SH2B1: variants seen among roughly 807,000 people sequenced by gnomAD.
SH2B1 encodes the protein SH2B adapter protein 1.
A neutral mutation model predicts 62.6 loss-of-function variants in SH2B1; 15 were observed. The ratio of observed to expected loss-of-function variants is 0.24; its 90% confidence interval spans 0.16 to 0.37. SH2B1 has a LOEUF of 0.37. Ranked by LOEUF, SH2B1 falls within the 10% of genes least tolerant of loss-of-function variation. SH2B1 has a pLI of 1.00. For missense variants in SH2B1, 925 were observed against 1,015.6 expected (o/e 0.91, Z 1.21); for synonymous variants, 443 against 438.0 (o/e 1.01, Z -0.14).
chr16:28,861,864 A>C (rs1206133477), upstream of SH2B1: 2 of 152,278 alleles, frequency 1.3e-5, no homozygotes, highest in Non-Finnish European at 2.9e-5. Context: ...GGAATCTCAG[A>C]AAAGAGGCAT....
chr16:28,867,483 C>G (rs765020900), intron 2 of SH2B1, 51 bp downstream of exon 2: 20 of 1,397,170 alleles, frequency 1.4e-5, no homozygotes, highest in Non-Finnish European at 2.0e-5. Flanking sequence ...AAGGAGAAAG[C>G]CCTCAGCGCA....
rs745793441 is a variant in SH2B1 at position 28,866,932 on chromosome 16, G to C, written c.838G>C (p.Gly280Arg). Residue 280 changes from glycine (G) to arginine (R), a missense_variant, in exon 1 of 8, where the codon GGG (glycine) becomes CGG (arginine). Physicochemically the swap from Gly to Arg is moderately radical, Grantham distance 125 (BLOSUM62 -2). Coordinates refer to ENST00000684370, the MANE Select transcript of SH2B1 (RefSeq NM_001387430.1). The surrounding 1 kb of genome is among the most constrained non-coding windows in gnomAD (Gnocchi z 6.3). ...RGGGVAGPPS[G>R]GGGQPQWQKC... ...AGGAGGGGTGGCTGGGCCTCCTTCA[G>C]GGGGAGGAGGGCAGCCTCAGTGGCA... 6 of 1,610,508 alleles carry C rather than the reference G, an allele frequency of 3.7e-6. No individual in the cohort carries two copies. In the African/African-American group the frequency reaches 4.0e-5, roughly 11 times the overall value.
At position 28,869,000 on chromosome 16, in the gene SH2B1, C is replaced by T. The variant is rs779166311; in HGVS notation, c.1042-6C>T. 3.1e-6 allele frequency: 5 copies of T among 1,612,920 alleles called. No individual in the cohort carries two copies. In the Admixed American group the frequency reaches 5.0e-5, roughly 16 times the overall value. ...CCCCAGCTGAGGCGTCGTCTCATCT[C>T]TGTAGGTGGAAGGTCCATCCGAGTA... On this transcript the variant is annotated splice_region_variant and splice_polypyrimidine_tract_variant and intron_variant, in intron 2 of 7. Coordinates refer to ENST00000684370, the MANE Select transcript of SH2B1 (RefSeq NM_001387430.1).
At chr16:28,856,636 C>T (rs573606223) in intron 1 of SH2B1, among the ~76,000 whole-genome samples, 1 of 152,192 alleles carries the variant, frequency 6.6e-6, no homozygotes, top group East Asian at 1.9e-4. Context: ...GGACTAGGTC[C>T]CAGCGCACTG....
chr16:28,864,020 A>T lies in SH2B1; in HGVS notation c.-2075A>T. The T allele has an allele frequency of 5.4e-5, 71 of 1,312,034 alleles. No individual in the cohort carries two copies. Among genetic ancestry groups the T allele is most frequent in the East Asian group, 1.7e-4 (5 of 29,558 alleles). The allele number at this position is 1,312,034 out of a possible 1,614,324, so 81.3% of individuals were successfully genotyped here. ...CGACCCGGCCCTGGCGCCCGAGAGGATTCCTGGGTGGGGGTGGGCGTGGAG... is the reference window on the plus strand; with the variant it reads ...CGACCCGGCCCTGGCGCCCGAGAGGTTTCCTGGGTGGGGGTGGGCGTGGAG... On this transcript the variant is annotated 5_prime_UTR_variant, in exon 1 of 8. Coordinates refer to ENST00000684370, the MANE Select transcript of SH2B1 (RefSeq NM_001387430.1).
intron 1 of SH2B1, among the ~76,000 whole-genome samples, chr16:28,858,169 C>T (rs1036408294): frequency 6.6e-6 from 1 of 152,190 alleles, no homozygotes; most frequent in African/African-American, 2.4e-5. Flanking sequence ...GGTGACCAGG[C>T]CCTATCCTGA....
At chr16:28,848,683 T>C (rs945090055) in intron 1 of SH2B1, among the ~76,000 whole-genome samples, 6 of 148,044 alleles carry the variant, frequency 4.1e-5, no homozygotes, top group Non-Finnish European at 8.9e-5. Context: ...TTTTTTTTTT[T>C]TTTTTTTGAG....
At chr16:28,854,560 A>G (rs907050337) in intron 1 of SH2B1, among the ~76,000 whole-genome samples, 2 of 152,106 alleles carry the variant, frequency 1.3e-5, no homozygotes, top group Non-Finnish European at 2.9e-5. Context: ...GTTTGAGACC[A>G]GCCTGGGCAA....
intron 4 of SH2B1, among the ~76,000 whole-genome samples, chr16:28,869,918 C>G (rs1428449577): frequency 6.6e-6 from 1 of 152,228 alleles, no homozygotes. Context: ...TTCTGAGTTC[C>G]AGCTGCACAG....
intron 4 of SH2B1, among the ~76,000 whole-genome samples, chr16:28,870,535 T>A (rs1047387804): frequency 2.6e-5 from 4 of 152,020 alleles, no homozygotes; most frequent in African/African-American, 9.7e-5. Flanking sequence ...CAAGGTAAGG[T>A]AAAGCTCAAG....
intron 2 of SH2B1, among the ~76,000 whole-genome samples, chr16:28,867,757 C>G (rs1267756544): frequency 2.0e-5 from 3 of 152,200 alleles, no homozygotes; most frequent in Admixed American, 6.5e-5. Context: ...CTCCTGGGCT[C>G]AAGTGATCGT....
intron 1 of SH2B1, among the ~76,000 whole-genome samples, chr16:28,855,806 ATTTTTTTTT>A (rs746171586): frequency 8.6e-4 from 88 of 102,394 alleles, no homozygotes; most frequent in African/African-American, 3.2e-3. Context: ...CGCCCGGCTA[ATTTTTTTTT>A]TTTTTTTTTT....
In SH2B1 at chr16:28,872,118, A is replaced by G. The variant is rs1963077318; in HGVS notation, c.1514-72A>G. 1 of 1,498,822 alleles carries G rather than the reference A, an allele frequency of 6.7e-7. No individual in the cohort carries two copies. Among genetic ancestry groups the G allele is most frequent in the African/African-American group, 1.4e-5 (1 of 71,722 alleles). 92.8% of individuals were successfully genotyped at this position (1,498,822 alleles called of 1,614,324 possible). On this transcript the variant is annotated intron_variant, in intron 5 of 7. Coordinates refer to ENST00000684370, the MANE Select transcript of SH2B1 (RefSeq NM_001387430.1). The surrounding 1 kb of genome is among the most constrained non-coding windows in gnomAD (Gnocchi z 5.3). Reference sequence around the variant, plus strand: ...GGAGCAGGCGCCTTGAGGGGAAGGCAAGGCTTTTTTCTCCCAGGATGGGGG... The same window carrying G: ...GGAGCAGGCGCCTTGAGGGGAAGGCGAGGCTTTTTTCTCCCAGGATGGGGG...
At chr16:28,869,493 C>T (rs1962915843) in intron 4 of SH2B1, 110 bp downstream of exon 4, 1 of 981,314 alleles carries the variant, frequency 1.0e-6, no homozygotes, top group African/African-American at 1.6e-5. Context: ...TCCCTGTTTT[C>T]CAGATGCCCT....
intron 4 of SH2B1, among the ~76,000 whole-genome samples, chr16:28,871,361 C>T (rs1251639833): frequency 1.3e-5 from 2 of 152,092 alleles, no homozygotes; most frequent in Non-Finnish European, 2.9e-5. Flanking sequence ...CAGCTGGGCA[C>T]GGTGGCTCAC....
At chr16:28,849,702 G>A (rs972853444) in intron 1 of SH2B1, among the ~76,000 whole-genome samples, 11 of 152,078 alleles carry the variant, frequency 7.2e-5, no homozygotes, top group South Asian at 2.1e-4. Flanking sequence ...CGAGGCAGGC[G>A]GATCACTTGA....
At position 28,872,537 on chromosome 16, in the gene SH2B1, C is replaced by G. The variant is rs1338764986; in HGVS notation, c.1729C>G (p.Leu577Val). The change falls in exon 7 of 8, where the codon CTG becomes GTG. Residue 577 changes from leucine (L) to valine (V), a missense_variant. Physicochemically the swap from Leu to Val is conservative, Grantham distance 32. Coordinates refer to ENST00000684370, the MANE Select transcript of SH2B1 (RefSeq NM_001387430.1). This position sits in a 1 kb window ranked among gnomAD's most constrained non-coding sequence, Gnocchi z 5.3. ...ACCTCCCCCATCCCGCCCTCAGCAC[C>G]TGCGTTTGTCGCTGAACGAGGAGGG... The part of the protein sequence containing the change: ...TFNFQGKAKH[L>V]RLSLNEEGQC... 3 of 1,609,622 alleles carry G rather than the reference C, an allele frequency of 1.9e-6. No individual in the cohort carries two copies. The highest frequency in any genetic ancestry group is 2.2e-5 in the East Asian group (1 of 44,770).
rs750638735 is a variant in SH2B1, at chr16:28,866,058, C to G, written c.-37C>G. The G allele has an allele frequency of 6.6e-7, 1 of 1,508,332 alleles. No homozygotes were observed. Among genetic ancestry groups the G allele is most frequent in the Non-Finnish European group, 8.8e-7 (1 of 1,136,768 alleles). 93.4% of individuals were successfully genotyped at this position (1,508,332 alleles called of 1,614,324 possible). A position where few individuals can be genotyped will look rare whatever the true frequency, so the allele number is the denominator to read the frequency against. On this transcript the variant is annotated 5_prime_UTR_variant, in exon 1 of 8. Coordinates refer to ENST00000684370, the MANE Select transcript of SH2B1 (RefSeq NM_001387430.1). This position sits in a 1 kb window ranked among gnomAD's most constrained non-coding sequence, Gnocchi z 6.3. The stretch of plus-strand genomic sequence containing the variant: ...CTTCTGGCTGCCTCCCTCTTTGTGC[C>G]CCACAGGCTCCCCCTCTCCACCTCC...
rs144107554 is a variant in SH2B1 at position 28,866,633 on chromosome 16, C to T, written c.539C>T (p.Ser180Phe). 23 of 1,613,774 alleles carry T rather than the reference C, an allele frequency of 1.4e-5. No homozygotes were observed. Among genetic ancestry groups the T allele is most frequent in the African/African-American group, 2.7e-5 (2 of 75,030 alleles). ...LQWRGTVDPP[S>F]SAGPLETSSG... ...TGGCGGGGGACCGTTGACCCTCCCT[C>T]CTCCGCTGGGCCCCTGGAGACCTCG... The change falls in exon 1 of 8, where the codon TCC (serine) becomes TTC (phenylalanine). Residue 180 changes from serine to phenylalanine, a missense_variant. By Grantham distance (155) the Ser-to-Phe change is radical. Around this residue, in one of 3 missense-constraint regions of SH2B1, gnomAD observed 683 missense variants for 704.0 expected, o/e 0.97. Transcript: ENST00000684370. This position sits in a 1 kb window ranked among gnomAD's most constrained non-coding sequence, Gnocchi z 6.3.
Sources: gnomAD v4.1 joint callset for allele counts (sites outside exome capture counted in the v4.1 genomes callset) on GRCh38, gnomAD v4.1.1 for gene constraint, gnomAD v4.1.1 regional missense constraint, Gnocchi (gnomAD v3.1) non-coding constraint, MANE v1.5 for transcripts, NCBI Gene and HGNC (gene_info 2026-07-23, HGNC 2026-07-21) for gene names.